P2RY8: variants seen among roughly 807,000 people sequenced by gnomAD.
P2RY8 encodes S-geranylgeranyl-glutathione receptor P2RY8.
In P2RY8, 6 loss-of-function variants were observed where a neutral mutation model predicts 10.0. The observed-to-expected ratio is 0.60, with a 90% CI of 0.33 to 1.19. The LOEUF (loss-of-function observed/expected upper bound fraction) is 1.19, where lower values mean the gene tolerates loss of function less well. P2RY8 is among the 50% of genes most tolerant of loss of function. The pLI, the probability that P2RY8 is intolerant of heterozygous loss-of-function variation, is 0.04. For synonymous variants in P2RY8, 276 were observed against 252.5 expected (o/e 1.09, Z -0.88); for missense variants, 456 against 542.0 (o/e 0.84, Z 1.58).
chrX:1,525,787 C>T (rs1450502078), intron 1 of P2RY8, among the ~76,000 whole-genome samples: 1 of 152,082 alleles, frequency 6.6e-6, no homozygotes, highest in Non-Finnish European at 1.5e-5. Flanking sequence ...TCCATCCATC[C>T]ATCCATTTAT....
intron 1 of P2RY8, among the ~76,000 whole-genome samples, chrX:1,528,256 G>A (rs2149414229): frequency 6.6e-6 from 1 of 152,314 alleles, no homozygotes; most frequent in East Asian, 1.9e-4. Flanking sequence ...TGAGCCTCAG[G>A]TTTCATCTAT....
intron 1 of P2RY8, among the ~76,000 whole-genome samples, chrX:1,509,201 A>G (rs1299145140): frequency 6.8e-6 from 1 of 146,560 alleles, no homozygotes; most frequent in Non-Finnish European, 1.5e-5. Context: ...CCATCTATGT[A>G]TCTACCTATC....
intron 1 of P2RY8, among the ~76,000 whole-genome samples, chrX:1,480,726 C>T (rs773481564): frequency 4.6e-5 from 7 of 152,006 alleles, no homozygotes; most frequent in South Asian, 2.1e-4. Flanking sequence ...ATGTAGATGA[C>T]GGGTTGATGG....
chrX:1,493,288 A>G (rs2092073143), intron 1 of P2RY8, among the ~76,000 whole-genome samples: 1 of 127,912 alleles, frequency 7.8e-6, no homozygotes, highest in East Asian at 2.5e-4. Context: ...ACAAGAAAGG[A>G]AAGAAAGGAG....
At chrX:1,485,286 C>T (rs1235197818) in intron 1 of P2RY8, among the ~76,000 whole-genome samples, 6 of 151,980 alleles carry the variant, frequency 3.9e-5, no homozygotes, top group South Asian at 4.2e-4. Flanking sequence ...TACAGGTGTG[C>T]ACCACCACGC....
At chrX:1,534,192 ATT>A (rs1229957369) in intron 1 of P2RY8, among the ~76,000 whole-genome samples, 20 of 139,128 alleles carry the variant, frequency 1.4e-4, no homozygotes, top group African/African-American at 4.5e-4. Context: ...ATTTATATAT[ATT>A]TACATATATA....
chrX:1,493,235 C>T (rs1251952370), intron 1 of P2RY8, among the ~76,000 whole-genome samples: 1 of 148,490 alleles, frequency 6.7e-6, no homozygotes, highest in South Asian at 2.2e-4. Flanking sequence ...TTGCAGTGAG[C>T]AGAGGTCACG....
chrX:1,465,764 C>T lies in P2RY8; in HGVS notation c.795G>A (p.Leu265=), dbSNP rs773110340. ...CGTGGTAGTAGCTCTTGCCGTAGAA[C>T]AGGCGGCTCACGATGTGCGCCAGGA... ...FVLLAHIVSR[L]FYGKSYYHVY... The change falls in exon 2 of 2, where the codon CTG becomes CTA. Residue 265 remains leucine, a synonymous_variant. Coordinates refer to ENST00000381297, the MANE Select transcript of P2RY8 (RefSeq NM_178129.5). 1.2e-6 allele frequency: 2 copies of T among 1,613,602 alleles called. No individual in the cohort carries two copies. The highest frequency in any genetic ancestry group is 2.2e-5 in the East Asian group (1 of 44,888).
At chrX:1,524,448 TCTA>T (rs1424368872) in intron 1 of P2RY8, among the ~76,000 whole-genome samples, 4 of 118,618 alleles carry the variant, frequency 3.4e-5, no homozygotes, top group South Asian at 2.7e-4. Flanking sequence ...CATTCATCCA[TCTA>T]TCCATCCATC....
chrX:1,499,805 C>T (rs1259234970), intron 1 of P2RY8, among the ~76,000 whole-genome samples: 4 of 151,930 alleles, frequency 2.6e-5, no homozygotes, highest in Non-Finnish European at 4.4e-5. Context: ...GGATGTCTTT[C>T]TATTTATTTA....
chrX:1,476,304 C>G (rs1222700734), intron 1 of P2RY8, among the ~76,000 whole-genome samples: 1 of 151,898 alleles, frequency 6.6e-6, no homozygotes, highest in Non-Finnish European at 1.5e-5. Context: ...CGGCTGGGCA[C>G]GGTGGCTCAT....
At chrX:1,532,928 G>A (rs762263552) in intron 1 of P2RY8, among the ~76,000 whole-genome samples, 4 of 140,332 alleles carry the variant, frequency 2.9e-5, no homozygotes, top group East Asian at 2.4e-4. Flanking sequence ...GCTTGAATCC[G>A]GGAGAAGGAG....
intron 1 of P2RY8, among the ~76,000 whole-genome samples, chrX:1,497,920 C>T (rs1490445629): frequency 2.0e-5 from 3 of 151,838 alleles, no homozygotes; most frequent in African/African-American, 7.3e-5. Context: ...GGCAGCTGAA[C>T]CCAGGAAGCA....
intron 1 of P2RY8, chrX:1,494,423 T>C (rs1421145294): frequency 1.3e-5 from 2 of 152,060 alleles, no homozygotes; most frequent in African/African-American, 2.4e-5. Context: ...AGAGCAACAA[T>C]AGATGGAAAA....
chrX:1,495,216 C>G (rs1342373665), intron 1 of P2RY8, among the ~76,000 whole-genome samples: 13 of 152,116 alleles, frequency 8.5e-5, no homozygotes, highest in Non-Finnish European at 8.8e-5. Context: ...CCCTTTATTA[C>G]AAACAGCGAG....
rs1569537390 is a variant in P2RY8, at chrX:1,493,438, AG to A, written c.-24-26857del. ...GGAAGGAGGAAGGAGGAGGGAGGGA[AG>A]GAGGAGGAAGGAGGAAGGAGGGAGG... On this transcript the variant is annotated intron_variant, in intron 1 of 1. Transcript: ENST00000381297. Among the ~76,000 whole-genome samples, 9 of 7,982 alleles carry A rather than the reference AG, an allele frequency of 1.1e-3. No homozygotes were observed. The East Asian group carries it at 0.065, about 58-fold the overall frequency. 5.2% of individuals were successfully genotyped at this position (7,982 alleles called of 152,430 possible).
intron 1 of P2RY8, among the ~76,000 whole-genome samples, chrX:1,499,153 TTTTTC>T (rs1252633071): frequency 8.8e-5 from 11 of 125,354 alleles, no homozygotes; most frequent in African/African-American, 2.6e-4. Context: ...TTTCTTTTTC[TTTTTC>T]TTTTCTTTTT....
At chrX:1,496,726 C>T (rs1195828633) in intron 1 of P2RY8, among the ~76,000 whole-genome samples, 2 of 149,436 alleles carry the variant, frequency 1.3e-5, no homozygotes, top group Non-Finnish European at 3.0e-5. Flanking sequence ...GAGATGGAGT[C>T]TCACTCTGTC....
intron 1 of P2RY8, among the ~76,000 whole-genome samples, chrX:1,476,370 A>G (rs1383585667): frequency 6.6e-6 from 1 of 151,774 alleles, no homozygotes; most frequent in East Asian, 1.9e-4. Context: ...AGGTCAGGAG[A>G]TGGAGACCAT....
Sources: allele counts gnomAD v4.1 joint callset (sites outside exome capture counted in the v4.1 genomes callset), GRCh38; gene constraint gnomAD v4.1.1; transcripts MANE v1.5; gene names NCBI Gene and HGNC (gene_info 2026-07-23, HGNC 2026-07-21).